Variants in TRAM2 observed in about 807,000 individuals in gnomAD.
TRAM2 encodes the protein translocating chain-associated membrane protein 2.
TRAM2 carries 12 observed loss-of-function variants against 51.0 expected under a neutral mutation model. The observed-to-expected ratio is 0.24, with a 90% CI of 0.15 to 0.38. The LOEUF is 0.38. TRAM2 is among the 10% of genes least tolerant of loss of function. TRAM2 has a pLI of 1.00. For missense variants in TRAM2, 361 were observed against 462.0 expected, an observed-to-expected ratio of 0.78 and a Z score of 2.00; for synonymous variants, 175 against 179.4, an observed-to-expected ratio of 0.98 and a Z score of 0.20.
rs187795099 is a variant in TRAM2, at chr6:52,521,175, G to A, written c.185-4438C>T. Among the ~76,000 whole-genome samples the A allele has an allele frequency of 9.1e-3, 1,383 of 151,870 alleles. 25 individuals are homozygous for A. Among genetic ancestry groups the A allele is most frequent in the African/African-American group, 0.031 (1,301 of 41,440 alleles). On this transcript the variant is annotated intron_variant, in intron 2 of 10. Coordinates refer to ENST00000182527, the MANE Select transcript of TRAM2 (RefSeq NM_012288.4). The stretch of plus-strand genomic sequence containing the variant: ...TCCACCTGCCTTGGCTTCCCAAAGT[G>A]CTGGGATTACAGGTGTGAGCCACTG...
chr6:52,534,791 A>C (rs1766950662), intron 2 of TRAM2, among the ~76,000 whole-genome samples: 1 of 152,178 alleles, frequency 6.6e-6, no homozygotes, highest in Non-Finnish European at 1.5e-5. Flanking sequence ...ACTCCTTTAG[A>C]TAGACCCTCT....
intron 1 of TRAM2, among the ~76,000 whole-genome samples, chr6:52,541,950 C>T (rs1355396709): frequency 1.3e-5 from 2 of 151,982 alleles, no homozygotes; most frequent in African/African-American, 4.8e-5. Flanking sequence ...CCACGGACAC[C>T]ACACCTCCCA....
chr6:52,559,708 C>G (rs1767466358), intron 1 of TRAM2, among the ~76,000 whole-genome samples: 1 of 152,166 alleles, frequency 6.6e-6, no homozygotes, highest in Admixed American at 6.6e-5. Context: ...CATGAAGATT[C>G]CCTGATTGCT....
At chr6:52,560,111 T>C (rs1767473849) in intron 1 of TRAM2, among the ~76,000 whole-genome samples, 1 of 151,870 alleles carries the variant, frequency 6.6e-6, no homozygotes, top group Non-Finnish European at 1.5e-5. Flanking sequence ...GGTGTGGTGG[T>C]GGGCGCCTGT....
intron 7 of TRAM2, 47 bp downstream of exon 7, chr6:52,507,506 G>A (rs1766371471): frequency 6.3e-7 from 1 of 1,585,276 alleles, no homozygotes; most frequent in African/African-American, 1.3e-5. Flanking sequence ...CAGATGCATG[G>A]ACATAAAAGG....
At chr6:52,545,312 G>C (rs9349631) in intron 1 of TRAM2, among the ~76,000 whole-genome samples, 69,621 of 152,080 alleles carry the variant, frequency 0.46, 16,875 homozygotes, top group African/African-American at 0.62. Flanking sequence ...AGGCCTTGGA[G>C]CAAGGTCCAG....
intron 1 of TRAM2, among the ~76,000 whole-genome samples, chr6:52,538,811 T>C (rs184714090): frequency 9.2e-5 from 14 of 152,270 alleles, no homozygotes; most frequent in South Asian, 2.1e-4. Flanking sequence ...ACCCAACATA[T>C]ACAGTTAACT....
chr6:52,562,716 C>A (rs1221001243), intron 1 of TRAM2, among the ~76,000 whole-genome samples: 1 of 152,144 alleles, frequency 6.6e-6, no homozygotes, highest in Non-Finnish European at 1.5e-5. Context: ...CTTAGCCCCC[C>A]ACCCCACCAC....
intron 2 of TRAM2, among the ~76,000 whole-genome samples, chr6:52,519,810 TAAA>T (rs541387664): frequency 6.9e-6 from 1 of 145,566 alleles, no homozygotes; most frequent in African/African-American, 2.5e-5. Flanking sequence ...GATTCAGCCT[TAAA>T]AAAAAAAAAA....
chr6:52,576,493 C>T (rs1014267864), intron 1 of TRAM2, among the ~76,000 whole-genome samples: 1 of 152,206 alleles, frequency 6.6e-6, no homozygotes, highest in Non-Finnish European at 1.5e-5. Flanking sequence ...ATGGTGGCAG[C>T]GCGGCGGTTG....
chr6:52,503,177 C>T lies in TRAM2; in HGVS notation c.*20G>A. ...TGCTCGGCCCCCACCAAGAGGATTC[C>T]TGTTCTTAGCACTTTGGCCTTAGGG... On this transcript the variant is annotated 3_prime_UTR_variant, in exon 11 of 11. Transcript: ENST00000182527. The T allele has an allele frequency of 6.2e-7, 1 of 1,610,600 alleles. No individual in the cohort carries two copies. The highest frequency in any genetic ancestry group is 8.5e-7 in the Non-Finnish European group (1 of 1,177,130).
intron 1 of TRAM2, among the ~76,000 whole-genome samples, chr6:52,571,270 A>C (rs1562491292): frequency 6.6e-6 from 1 of 152,232 alleles, no homozygotes; most frequent in Non-Finnish European, 1.5e-5. Flanking sequence ...TTATAAGGGT[A>C]GGAATGAGAG....
intron 2 of TRAM2, among the ~76,000 whole-genome samples, chr6:52,520,619 A>T (rs897443320): frequency 6.6e-6 from 1 of 152,162 alleles, no homozygotes; most frequent in Non-Finnish European, 1.5e-5. Flanking sequence ...GATCATCCTA[A>T]CTATCTCATG....
chr6:52,562,500 C>T (rs529151584), intron 1 of TRAM2, among the ~76,000 whole-genome samples: 1 of 152,304 alleles, frequency 6.6e-6, no homozygotes, highest in South Asian at 2.1e-4. Context: ...AACAGAGTAA[C>T]TTTAAAACTC....
intron 1 of TRAM2, among the ~76,000 whole-genome samples, chr6:52,557,511 T>C (rs1375324013): frequency 6.6e-6 from 1 of 152,204 alleles, no homozygotes; most frequent in Non-Finnish European, 1.5e-5. Context: ...CATCATGTTA[T>C]CTAGTTAAGT....
chr6:52,527,249 G>C (rs1395189194), intron 2 of TRAM2, among the ~76,000 whole-genome samples: 3 of 151,776 alleles, frequency 2.0e-5, no homozygotes, highest in Non-Finnish European at 2.9e-5. Flanking sequence ...GTGGTGGCGG[G>C]CGCCTGCAGT....
At chr6:52,530,497 G>A (rs957059544) in intron 2 of TRAM2, among the ~76,000 whole-genome samples, 1 of 152,154 alleles carries the variant, frequency 6.6e-6, no homozygotes, top group Admixed American at 6.5e-5. Context: ...TTAGAAACAG[G>A]GTCTCTGCAG....
chr6:52,569,650 T>C (rs1371326637), intron 1 of TRAM2, among the ~76,000 whole-genome samples: 3 of 151,896 alleles, frequency 2.0e-5, no homozygotes, highest in Non-Finnish European at 4.4e-5. Flanking sequence ...GCCCAATAGT[T>C]TGAGGACACA....
intron 2 of TRAM2, chr6:52,517,255 T>C (rs1435896315): frequency 6.5e-6 from 1 of 152,964 alleles, no homozygotes; most frequent in Non-Finnish European, 1.5e-5. Context: ...TGTGTGACTT[T>C]TCTGTACCTC....
Sources: allele counts gnomAD v4.1 joint callset (sites outside exome capture counted in the v4.1 genomes callset), GRCh38; gene constraint gnomAD v4.1.1; transcripts MANE v1.5; gene names NCBI Gene and HGNC (gene_info 2026-07-23, HGNC 2026-07-21).